The following FBXO9 variants were observed in gnomAD, a reference collection of about 807,000 sequenced individuals.
FBXO9 encodes the protein F-box only protein 9.
FBXO9 carries 43 observed loss-of-function variants against 63.7 expected under a neutral mutation model. The ratio of observed to expected loss-of-function variants is 0.67; its 90% confidence interval spans 0.53 to 0.87. The LOEUF (loss-of-function observed/expected upper bound fraction) is 0.87, where lower values mean the gene tolerates loss of function less well. Among genes scored for constraint, FBXO9 ranks in the 40% least tolerant of loss-of-function variants. The probability of loss-of-function intolerance (pLI) is 0.00; values close to 1 mark genes in which losing one functional copy is unlikely to be tolerated. For missense variants in FBXO9, 442 were observed against 533.2 expected (o/e 0.83, Z 1.68); for synonymous variants, 156 against 171.7 (o/e 0.91, Z 0.72).
rs188322978 is a variant in FBXO9, at chr6:53,095,676, C to T, written c.1205+12C>T. 1.1e-4 allele frequency: 182 copies of T among 1,595,246 alleles called. No individual in the cohort carries two copies. The African/African-American group carries it at 2.2e-3, about 19-fold the overall frequency. The stretch of plus-strand genomic sequence containing the variant: ...CACATTACTTACAAGTAGGTGAATG[C>T]AATAAAAATAACAAGGTTACACTAT... On this transcript the variant is annotated intron_variant, in intron 12 of 12. Coordinates refer to ENST00000323557, the MANE Select transcript of FBXO9 (RefSeq NM_033480.3).
chr6:53,094,020 A>AG, intron 11 of FBXO9, 42 bp downstream of exon 11: 1 of 1,285,688 alleles, frequency 7.8e-7, no homozygotes, highest in Non-Finnish European at 1.1e-6. Flanking sequence ...TTATCTTAAT[A>AG]GCCTATTCAT....
At chr6:53,074,893 G>C (rs1488727189) in intron 3 of FBXO9, among the ~76,000 whole-genome samples, 1 of 152,178 alleles carries the variant, frequency 6.6e-6, no homozygotes, top group Admixed American at 6.5e-5. Context: ...ATATTTGGCT[G>C]TTATGAATGG....
intron 1 of FBXO9, among the ~76,000 whole-genome samples, chr6:53,069,262 G>A (rs1768823393): frequency 6.6e-6 from 1 of 152,170 alleles, no homozygotes; most frequent in Non-Finnish European, 1.5e-5. Context: ...AAAAATTCAA[G>A]TATCAAGTTA....
intron 1 of FBXO9, among the ~76,000 whole-genome samples, chr6:53,069,954 AAAGAT>A (rs1181823027): frequency 6.6e-6 from 1 of 151,806 alleles, no homozygotes; most frequent in African/African-American, 2.4e-5. Context: ...AAAAAATACC[AAAGAT>A]GTTCTAATTT....
intron 1 of FBXO9, 81 bp downstream of exon 1, chr6:53,065,873 G>A (rs914790885): frequency 2.2e-5 from 28 of 1,251,662 alleles, no homozygotes; most frequent in Non-Finnish European, 2.8e-5. Context: ...AGGGCTGGGG[G>A]TCGGCGGGGA....
intron 12 of FBXO9, among the ~76,000 whole-genome samples, chr6:53,096,938 G>C (rs915944074): frequency 1.3e-5 from 2 of 152,064 alleles, no homozygotes; most frequent in African/African-American, 4.8e-5. Flanking sequence ...CCCTGAAGTA[G>C]AGCCAAGCAA....
chr6:53,077,452 G>A (rs1161552059), intron 4 of FBXO9, among the ~76,000 whole-genome samples: 3 of 115,580 alleles, frequency 2.6e-5, no homozygotes, highest in East Asian at 5.1e-4. Context: ...CAGCCTGGGC[G>A]ACAGAGCGAG....
rs997104449 is a variant in FBXO9, at chr6:53,076,415, G to A, written c.250-71G>A. ...GTTATTTTGCACAATTTATTAAAAA[G>A]GCTCTCCTTCTGCCATCCATACTAA... is the stretch of plus-strand genomic sequence containing the variant. On this transcript the variant is annotated intron_variant, in intron 3 of 12. Coordinates refer to ENST00000323557, the MANE Select transcript of FBXO9 (RefSeq NM_033480.3). The A allele has an allele frequency of 4.3e-6, 4 of 925,532 alleles. No homozygotes were observed. In the Admixed American group the frequency reaches 9.5e-5, roughly 22 times the overall value. 57.3% of individuals were successfully genotyped at this position (925,532 alleles called of 1,614,324 possible).
intron 7 of FBXO9, chr6:53,092,202 C>CTGT (rs1763059039): frequency 2.3e-6 from 1 of 441,616 alleles, no homozygotes; most frequent in East Asian, 3.9e-5. Context: ...TCTACTTTGT[C>CTGT]TGTTGGTTGA....
intron 1 of FBXO9, 171 bp downstream of exon 1, chr6:53,065,963 G>T: frequency 3.4e-6 from 4 of 1,162,254 alleles, no homozygotes; most frequent in Non-Finnish European, 4.3e-6. Flanking sequence ...GGGGGGCGGG[G>T]GGTGCCAACC....
At chr6:53,091,451 C>T (rs1461293795) in intron 7 of FBXO9, 1 of 152,304 alleles carries the variant, frequency 6.6e-6, no homozygotes, top group Non-Finnish European at 1.5e-5. Context: ...TCGCCGCAAC[C>T]TCCGTCTCCC....
chr6:53,080,643 G>T (rs1056372592), intron 5 of FBXO9, among the ~76,000 whole-genome samples: 1 of 152,102 alleles, frequency 6.6e-6, no homozygotes, highest in Non-Finnish European at 1.5e-5. Flanking sequence ...AACATACTAC[G>T]TTAAGATTTT....
rs1011512073 is a variant in FBXO9, at chr6:53,065,471, C to T, written c.-319C>T. 9.8e-5 allele frequency: 32 copies of T among 327,600 alleles called. No individual in the cohort carries two copies. Among genetic ancestry groups the T allele is most frequent in the Non-Finnish European group, 1.2e-4 (22 of 180,310 alleles). The allele number at this position is 327,600 out of a possible 1,614,324, so 20.3% of individuals were successfully genotyped here. A position where few individuals can be genotyped will look rare whatever the true frequency, so the allele number is the denominator to read the frequency against. ...GCTCCGCGGCGGCGTCCGGGGTCTC[C>T]AGTAGGGCTGACGCTCCGGTGCTCG... On this transcript the variant is annotated 5_prime_UTR_variant, in exon 1 of 13. Transcript: ENST00000323557.
At chr6:53,075,734 A>ATT (rs761159029) in intron 3 of FBXO9, among the ~76,000 whole-genome samples, 9,408 of 81,560 alleles carry the variant, frequency 0.12, 2,602 homozygotes, top group African/African-American at 0.22. Context: ...TATATATATA[A>ATT]TTATTTTTTT....
rs1304465148 is a variant in FBXO9, at chr6:53,093,416, T to C, written c.864-50T>C. On this transcript the variant is annotated intron_variant, in intron 9 of 12. Coordinates refer to ENST00000323557, the MANE Select transcript of FBXO9 (RefSeq NM_033480.3). ...GGTACTAATAGATAAGGACATATTT[T>C]ATACTTTGTGTGGGGGGTGTGTTTT... is the stretch of plus-strand genomic sequence containing the variant. The C allele has an allele frequency of 3.1e-6, 4 of 1,299,710 alleles. No homozygotes were observed. In the East Asian group the frequency reaches 9.2e-5, roughly 30 times the overall value. 80.5% of individuals were successfully genotyped at this position (1,299,710 alleles called of 1,614,324 possible). A position where few individuals can be genotyped will look rare whatever the true frequency, so the allele number is the denominator to read the frequency against.
intron 11 of FBXO9, among the ~76,000 whole-genome samples, chr6:53,094,338 T>A (rs1763143253): frequency 6.6e-6 from 1 of 152,228 alleles, no homozygotes; most frequent in African/African-American, 2.4e-5. Flanking sequence ...GATAATTCTT[T>A]CCATAAGGAT....
intron 7 of FBXO9, among the ~76,000 whole-genome samples, chr6:53,088,321 A>G (rs917041248): frequency 2.6e-5 from 4 of 152,218 alleles, no homozygotes; most frequent in Non-Finnish European, 5.9e-5. Context: ...TAGACTATAT[A>G]TATTCTATAG....
intron 6 of FBXO9, among the ~76,000 whole-genome samples, chr6:53,081,728 C>G (rs1458118263): frequency 3.9e-5 from 6 of 152,238 alleles, no homozygotes; most frequent in Non-Finnish European, 8.8e-5. Context: ...TGAAGCATTT[C>G]AGCCATGTTG....
chr6:53,075,734 A>AAT (rs1769076545), intron 3 of FBXO9, among the ~76,000 whole-genome samples: 10 of 82,178 alleles, frequency 1.2e-4, no homozygotes, highest in East Asian at 4.0e-4. Context: ...TATATATATA[A>AAT]TTATTTTTTT....
Sources: gnomAD v4.1 joint callset for allele counts (sites outside exome capture counted in the v4.1 genomes callset) on GRCh38, gnomAD v4.1.1 for gene constraint, MANE v1.5 for transcripts, NCBI Gene and HGNC (gene_info 2026-07-23, HGNC 2026-07-21) for gene names.